CHRM3: variants seen among roughly 807,000 people sequenced by gnomAD.
CHRM3 encodes cholinergic receptor muscarinic 3, also known as muscarinic acetylcholine receptor M3.
A neutral mutation model predicts 41.8 loss-of-function variants in CHRM3; 11 were observed. The observed-to-expected ratio is 0.26, with a 90% CI of 0.17 to 0.44. The LOEUF is 0.44. Ranked by LOEUF, CHRM3 falls within the 20% of genes least tolerant of loss-of-function variation. CHRM3 has a pLI of 1.00. For missense variants in CHRM3, 571 were observed against 745.4 expected (o/e 0.77, Z 2.72); for synonymous variants, 297 against 301.4 (o/e 0.99, Z 0.15).
chr1:239,528,770 G>T (rs1040298641), intron 2 of CHRM3, among the ~76,000 whole-genome samples: 1 of 152,128 alleles, frequency 6.6e-6, no homozygotes, highest in Non-Finnish European at 1.5e-5. Flanking sequence ...GCACATGCCT[G>T]TAGTCCCAGC....
intron 4 of CHRM3, among the ~76,000 whole-genome samples, chr1:239,672,599 TACAC>T (rs35094370): frequency 2.1e-5 from 3 of 145,844 alleles, no homozygotes; most frequent in South Asian, 2.3e-4. Context: ...TTCTTCCCAC[TACAC>T]ACACACACAC....
At chr1:239,671,048 G>A (rs528169821) in intron 4 of CHRM3, among the ~76,000 whole-genome samples, 4 of 152,222 alleles carry the variant, frequency 2.6e-5, no homozygotes, top group Admixed American at 6.5e-5. Flanking sequence ...GTTGCTTCCC[G>A]TCTCTGCCAA....
chr1:239,554,708 A>T (rs1002602783), intron 3 of CHRM3, among the ~76,000 whole-genome samples: 1 of 151,260 alleles, frequency 6.6e-6, no homozygotes, highest in Non-Finnish European at 1.5e-5. Flanking sequence ...TGTAATTTTA[A>T]ATTGGTTCAT....
At chr1:239,870,642 ACCT>A (rs1458625951) in intron 6 of CHRM3, among the ~76,000 whole-genome samples, 2 of 151,986 alleles carry the variant, frequency 1.3e-5, no homozygotes, top group Non-Finnish European at 2.9e-5. Flanking sequence ...AAACAAAAGT[ACCT>A]CCTCTATGTT....
At chr1:239,588,235 G>T (rs1663630457) in intron 3 of CHRM3, among the ~76,000 whole-genome samples, 1 of 152,192 alleles carries the variant, frequency 6.6e-6, no homozygotes, top group Non-Finnish European at 1.5e-5. Flanking sequence ...CAGTATTTAT[G>T]AAACTATTGT....
intron 3 of CHRM3, among the ~76,000 whole-genome samples, chr1:239,551,932 C>T (rs1244235310): frequency 6.6e-6 from 1 of 152,002 alleles, no homozygotes; most frequent in South Asian, 2.1e-4. Flanking sequence ...GATTAACATC[C>T]ATCAGTCAAA....
chr1:239,740,881 A>C (rs1473956333), intron 5 of CHRM3, among the ~76,000 whole-genome samples: 1 of 152,186 alleles, frequency 6.6e-6, no homozygotes, highest in East Asian at 1.9e-4. Flanking sequence ...GTTTTTATAA[A>C]CATGCACTGA....
intron 1 of CHRM3, among the ~76,000 whole-genome samples, chr1:239,487,359 G>A (rs76549015): frequency 0.013 from 2,019 of 152,086 alleles, 37 homozygotes; most frequent in South Asian, 0.038. Flanking sequence ...ATGAAAAACC[G>A]AGTAGAATTT....
intron 3 of CHRM3, among the ~76,000 whole-genome samples, chr1:239,620,829 G>A (rs1331185927): frequency 6.6e-6 from 1 of 152,100 alleles, no homozygotes; most frequent in Admixed American, 6.6e-5. Context: ...AGATTCACAG[G>A]CATTGATGAG....
At chr1:239,401,390 A>C (rs1659959518) in intron 1 of CHRM3, among the ~76,000 whole-genome samples, 1 of 152,070 alleles carries the variant, frequency 6.6e-6, no homozygotes, top group South Asian at 2.1e-4. Flanking sequence ...GGAACGTTTG[A>C]CTTGACTTTC....
At chr1:239,831,167 T>A (rs77914932) in intron 6 of CHRM3, among the ~76,000 whole-genome samples, 1 of 152,184 alleles carries the variant, frequency 6.6e-6, no homozygotes, top group African/African-American at 2.4e-5. Flanking sequence ...CTGACCCGAA[T>A]GCACCCTCAC....
At chr1:239,636,758 G>A (rs570751649) in intron 4 of CHRM3, among the ~76,000 whole-genome samples, 38 of 152,258 alleles carry the variant, frequency 2.5e-4, no homozygotes, top group African/African-American at 6.7e-4. Flanking sequence ...ATGAATGTGC[G>A]TCTAATAAAA....
Position 239,448,249 on chromosome 1 carries a change from C to G in CHRM3, c.-520-44460C>G, listed in dbSNP as rs146413318. Among the ~76,000 whole-genome samples the G allele has an allele frequency of 8.5e-4, 129 of 152,264 alleles. 1 individual carries two copies. The East Asian group carries it at 0.018, about 21-fold the overall frequency. On this transcript the variant is annotated intron_variant, in intron 1 of 6. Transcript: ENST00000676153. Reference sequence around the variant, plus strand: ...CATAATATATGCTGAATAAATGTTTCTTTTCTAAATCTTCCTCCATCAGGA... The same window carrying G: ...CATAATATATGCTGAATAAATGTTTGTTTTCTAAATCTTCCTCCATCAGGA...
At chr1:239,641,765 A>C (rs1671183656) in intron 4 of CHRM3, among the ~76,000 whole-genome samples, 1 of 124,034 alleles carries the variant, frequency 8.1e-6, no homozygotes, top group African/African-American at 3.2e-5. Context: ...GTCCATTTAT[A>C]TTTAAAGTTA....
chr1:239,551,126 C>T (rs10925916), intron 3 of CHRM3, among the ~76,000 whole-genome samples: 118,350 of 140,898 alleles, frequency 0.84, 51,309 homozygotes, highest in Non-Finnish European at 0.94. Flanking sequence ...GTGGAAAATG[C>T]ATATAAGTGT....
chr1:239,891,042 G>A lies in CHRM3; in HGVS notation c.-19-16391G>A, dbSNP rs75551592. On this transcript the variant is annotated intron_variant, in intron 6 of 6. Transcript: ENST00000676153. ...ATCTGCACTGGTGACCTAGGTGTACGCGGACAGTTTGCAATCAGGTGTACA... is the reference window on the plus strand; with the variant it reads ...ATCTGCACTGGTGACCTAGGTGTACACGGACAGTTTGCAATCAGGTGTACA... Among the ~76,000 whole-genome samples the A allele has an allele frequency of 1.4e-3, 217 of 152,266 alleles. 1 individual carries two copies. The highest frequency in any genetic ancestry group is 4.6e-3 in the African/African-American group (190 of 41,538).
chr1:239,560,133 T>C (rs1182549966), intron 3 of CHRM3, among the ~76,000 whole-genome samples: 1 of 152,210 alleles, frequency 6.6e-6, no homozygotes, highest in East Asian at 1.9e-4. Context: ...GTTTGATAAG[T>C]ATTTTTAAAT....
intron 5 of CHRM3, among the ~76,000 whole-genome samples, chr1:239,731,082 T>A (rs763351750): frequency 6.6e-6 from 1 of 151,928 alleles, no homozygotes; most frequent in Non-Finnish European, 1.5e-5. Context: ...ATTCTTTGAA[T>A]GAGAGAGTTA....
At chr1:239,643,246 C>T (rs1357303063) in intron 4 of CHRM3, among the ~76,000 whole-genome samples, 1 of 152,172 alleles carries the variant, frequency 6.6e-6, no homozygotes, top group Non-Finnish European at 1.5e-5. Flanking sequence ...GGCAGTCTGC[C>T]CATTCTCAGA....
Sources: allele counts gnomAD v4.1 joint callset (sites outside exome capture counted in the v4.1 genomes callset), GRCh38; gene constraint gnomAD v4.1.1; transcripts MANE v1.5; gene names NCBI Gene and HGNC (gene_info 2026-07-23, HGNC 2026-07-21).